HPSE2: variants seen among roughly 807,000 people sequenced by gnomAD.
HPSE2 encodes inactive heparanase-2.
Under a neutral mutation model 60.5 loss-of-function variants are expected in HPSE2, and 38 were observed. The ratio of observed to expected loss-of-function variants is 0.63; its 90% CI spans 0.48 to 0.82. The LOEUF is 0.82. Ranked by LOEUF, HPSE2 falls within the 40% of genes least tolerant of loss-of-function variation. The pLI is 0.00. For synonymous variants in HPSE2, 295 were observed against 293.2 expected (o/e 1.01, Z -0.06); for missense variants, 713 against 740.4 (o/e 0.96, Z 0.43).
At chr10:98,483,329 T>C (rs1941315685) in intron 10 of HPSE2, among the ~76,000 whole-genome samples, 1 of 152,258 alleles carries the variant, frequency 6.6e-6, no homozygotes, top group Admixed American at 6.5e-5. Context: ...GTGATTCTTT[T>C]TCTACTTGTA....
intron 9 of HPSE2, among the ~76,000 whole-genome samples, chr10:98,506,348 T>C (rs1942199872): frequency 6.6e-6 from 1 of 152,214 alleles, no homozygotes; most frequent in Non-Finnish European, 1.5e-5. Flanking sequence ...AGTTTGCTAT[T>C]AACCATTTAG....
At chr10:98,912,644 C>T (rs1209460757) in intron 3 of HPSE2, among the ~76,000 whole-genome samples, 1 of 152,030 alleles carries the variant, frequency 6.6e-6, no homozygotes, top group South Asian at 2.1e-4. Context: ...TTGCAAAAAC[C>T]GGAAGTCATT....
chr10:98,806,609 C>A (rs2134550906), intron 3 of HPSE2, among the ~76,000 whole-genome samples: 1 of 152,232 alleles, frequency 6.6e-6, no homozygotes, highest in East Asian at 1.9e-4. Flanking sequence ...TTGTGAAAAA[C>A]AACAGATAGT....
chr10:98,513,825 G>A (rs995933692), intron 9 of HPSE2, among the ~76,000 whole-genome samples: 20 of 152,130 alleles, frequency 1.3e-4, no homozygotes, highest in Admixed American at 2.6e-4. Flanking sequence ...AAATGGTACA[G>A]CCACTAGGTA....
intron 4 of HPSE2, among the ~76,000 whole-genome samples, chr10:98,737,456 G>A (rs993989007): frequency 2.0e-5 from 2 of 101,402 alleles, no homozygotes; most frequent in African/African-American, 6.7e-5. Context: ...GTTGTATCTG[G>A]GCCAGCAAGC....
At chr10:99,102,934 C>T (rs563862131) in intron 3 of HPSE2, among the ~76,000 whole-genome samples, 4 of 152,212 alleles carry the variant, frequency 2.6e-5, no homozygotes, top group South Asian at 4.1e-4. Context: ...ATTCAACAAC[C>T]CTTCATGCTA....
chr10:98,869,892 A>G (rs1952687745), intron 3 of HPSE2, among the ~76,000 whole-genome samples: 1 of 152,202 alleles, frequency 6.6e-6, no homozygotes, highest in Admixed American at 6.6e-5. Flanking sequence ...TCAATAGCAT[A>G]TAAAAGCAAC....
At chr10:99,271,313 G>T in the HPSE2 span, among the ~76,000 whole-genome samples, 1 of 152,134 alleles carries the variant, frequency 6.6e-6, no homozygotes, top group East Asian at 1.9e-4. Flanking sequence ...TTAATATACA[G>T]AAATCAGTAG....
At chr10:99,258,009 C>T in the HPSE2 span, among the ~76,000 whole-genome samples, 2 of 151,918 alleles carry the variant, frequency 1.3e-5, no homozygotes, top group African/African-American at 2.4e-5. Context: ...GGCGTGGTGG[C>T]GTGTGACTGT....
intron 2 of HPSE2, among the ~76,000 whole-genome samples, chr10:99,172,251 A>G (rs1251885253): frequency 6.6e-6 from 1 of 152,154 alleles, no homozygotes; most frequent in African/African-American, 2.4e-5. Context: ...AATTTTTTTT[A>G]TAAGAATTTG....
chr10:98,521,538 A>G (rs1269249269), intron 9 of HPSE2, among the ~76,000 whole-genome samples: 2 of 152,194 alleles, frequency 1.3e-5, no homozygotes, highest in African/African-American at 4.8e-5. Context: ...TGCTGGTGGG[A>G]GTGTAAATTA....
intron 2 of HPSE2, among the ~76,000 whole-genome samples, chr10:99,225,051 C>A (rs1306673311): frequency 6.6e-6 from 1 of 151,920 alleles, no homozygotes; most frequent in Non-Finnish European, 1.5e-5. Context: ...ACACTCAGGG[C>A]CTGCGTACAA....
intron 9 of HPSE2, among the ~76,000 whole-genome samples, chr10:98,584,880 G>A (rs1433866137): frequency 1.3e-5 from 2 of 152,278 alleles, no homozygotes; most frequent in Admixed American, 1.3e-4. Context: ...GTATAGACAG[G>A]TGTCTTGCCT....
chr10:98,599,320 T>G (rs1039907239), intron 9 of HPSE2, among the ~76,000 whole-genome samples: 7 of 152,160 alleles, frequency 4.6e-5, no homozygotes, highest in African/African-American at 1.7e-4. Context: ...GCCTGAAGGC[T>G]GAATTGAACG....
At chr10:98,651,557 C>G (rs1946914972) in intron 6 of HPSE2, among the ~76,000 whole-genome samples, 1 of 152,112 alleles carries the variant, frequency 6.6e-6, no homozygotes, top group Non-Finnish European at 1.5e-5. Flanking sequence ...AAACGGTACC[C>G]TAAAATATCG....
chr10:99,292,331 A>G, the HPSE2 span, among the ~76,000 whole-genome samples: 8 of 152,354 alleles, frequency 5.3e-5, no homozygotes, highest in Non-Finnish European at 4.4e-5. Context: ...CTGAATGTCT[A>G]CTAGTGTATA....
chr10:98,855,072 T>C (rs1952277968), intron 3 of HPSE2, among the ~76,000 whole-genome samples: 1 of 152,110 alleles, frequency 6.6e-6, no homozygotes, highest in African/African-American at 2.4e-5. Context: ...CCAACTAGCA[T>C]GAATTCTACA....
chr10:99,160,755 C>T (rs978582681), intron 2 of HPSE2, among the ~76,000 whole-genome samples: 6 of 151,082 alleles, frequency 4.0e-5, no homozygotes, highest in Admixed American at 6.6e-5. Flanking sequence ...AAAAATTAGC[C>T]GGGCGTAGTG....
At chr10:99,249,307 C>A in the HPSE2 span, among the ~76,000 whole-genome samples, 2 of 152,230 alleles carry the variant, frequency 1.3e-5, no homozygotes, top group African/African-American at 2.4e-5. Flanking sequence ...CTTGGGAGCC[C>A]AACCCTTGCA....
Sources: allele counts gnomAD v4.1 joint callset (sites outside exome capture counted in the v4.1 genomes callset), GRCh38; gene constraint gnomAD v4.1.1; transcripts MANE v1.5; gene names NCBI Gene and HGNC (gene_info 2026-07-23, HGNC 2026-07-21).